Variants in TBC1D8 observed in about 807,000 individuals in gnomAD.
TBC1D8 encodes BUB2-like protein 1.
In TBC1D8, 65 loss-of-function variants were observed where a neutral mutation model predicts 118.8. The observed-to-expected ratio is 0.55, with a 90% confidence interval of 0.45 to 0.67. The LOEUF (loss-of-function observed/expected upper bound fraction) is 0.67. Ranked by LOEUF, TBC1D8 falls within the 30% of genes least tolerant of loss-of-function variation. The probability of loss-of-function intolerance (pLI) is 0.00; values close to 1 mark genes in which losing one functional copy is unlikely to be tolerated. For synonymous variants in TBC1D8, 566 were observed against 595.8 expected, an observed-to-expected ratio of 0.95 and a Z score of 0.73; for missense variants, 1,376 against 1,471.2, an observed-to-expected ratio of 0.94 and a Z score of 1.06.
intron 15 of TBC1D8, among the ~76,000 whole-genome samples, chr2:101,024,656 A>G (rs1474534191): frequency 6.6e-6 from 1 of 152,052 alleles, no homozygotes; most frequent in Non-Finnish European, 1.5e-5. Context: ...ATCCACCCGC[A>G]CTGGCCTCCC....
intron 1 of TBC1D8, among the ~76,000 whole-genome samples, chr2:101,106,946 A>G (rs914534908): frequency 6.6e-6 from 1 of 152,224 alleles, no homozygotes; most frequent in African/African-American, 2.4e-5. Context: ...GAGAACGTTT[A>G]AGGTGGGTGA....
intron 5 of TBC1D8, among the ~76,000 whole-genome samples, chr2:101,046,240 G>A (rs2105406736): frequency 6.6e-6 from 1 of 152,330 alleles, no homozygotes; most frequent in East Asian, 1.9e-4. Flanking sequence ...ACGGCCACTA[G>A]GCTCACCTGG....
intron 1 of TBC1D8, among the ~76,000 whole-genome samples, chr2:101,122,047 C>T (rs569926104): frequency 1.3e-5 from 2 of 150,672 alleles, no homozygotes; most frequent in South Asian, 2.1e-4. Flanking sequence ...GCCTGGGCAT[C>T]GCAGTGAGAC....
In TBC1D8 at chr2:101,036,046, CAA is replaced by C. The variant is rs1680986038; in HGVS notation, c.1573_1574del (p.Leu525AlafsTer108). The C allele has an allele frequency of 6.2e-7, 1 of 1,613,888 alleles. No homozygotes were observed. Among genetic ancestry groups the C allele is most frequent in the Non-Finnish European group, 8.5e-7 (1 of 1,179,898 alleles). ...KLVAMGIPES[L>X]RGRLWLLFSD... ...AGAAGAGAAGCCAGAGTCTCCCTCG[CAA>C]AGATTCAGGGATGCCCATGGCTACG... On this transcript the variant is annotated frameshift_variant, in exon 9 of 20. Coordinates refer to ENST00000409318, the MANE Select transcript of TBC1D8 (RefSeq NM_001330348.2). LOFTEE classifies it high-confidence loss of function.
chr2:101,149,242 A>G (rs1679447586), intron 1 of TBC1D8, among the ~76,000 whole-genome samples: 1 of 152,206 alleles, frequency 6.6e-6, no homozygotes, highest in South Asian at 2.1e-4. Flanking sequence ...CACAGGTATA[A>G]TAATAATATG....
In TBC1D8 at chr2:101,036,055, A is replaced by G; in HGVS notation, c.1566T>C (p.Pro522=). Reference sequence around the variant, plus strand: ...GCCAGAGTCTCCCTCGCAAAGATTCAGGGATGCCCATGGCTACGAGCTTCC... The same window carrying G: ...GCCAGAGTCTCCCTCGCAAAGATTCGGGGATGCCCATGGCTACGAGCTTCC... ...KIRKLVAMGI[P]ESLRGRLWLL... is the part of the protein sequence containing the mutation. The change falls in exon 9 of 20, where the codon CCT becomes CCC. Residue 522 remains proline (P), a synonymous_variant. Transcript: ENST00000409318. The G allele has an allele frequency of 6.2e-7, 1 of 1,614,060 alleles. No homozygotes were observed. The highest frequency in any genetic ancestry group is 8.5e-7 in the Non-Finnish European group (1 of 1,179,902).
intron 2 of TBC1D8, among the ~76,000 whole-genome samples, chr2:101,067,449 C>T (rs1418225099): frequency 1.3e-5 from 2 of 152,178 alleles, no homozygotes; most frequent in East Asian, 3.9e-4. Flanking sequence ...TCTAGACCAC[C>T]ACGATAAAGC....
At chr2:101,113,308 A>G (rs539559589) in intron 1 of TBC1D8, among the ~76,000 whole-genome samples, 1 of 152,260 alleles carries the variant, frequency 6.6e-6, no homozygotes, top group Non-Finnish European at 1.5e-5. Context: ...ACTAATTGGT[A>G]TATGTCCTTC....
chr2:101,062,520 G>A (rs900315059), intron 2 of TBC1D8, among the ~76,000 whole-genome samples: 3 of 152,166 alleles, frequency 2.0e-5, no homozygotes, highest in African/African-American at 7.2e-5. Flanking sequence ...GACTGAATGA[G>A]GAAATGGAGG....
chr2:101,023,388 C>T (rs190436231), intron 15 of TBC1D8, among the ~76,000 whole-genome samples: 2 of 152,014 alleles, frequency 1.3e-5, no homozygotes, highest in East Asian at 4.0e-4. Context: ...TTGGGTGATC[C>T]ACTCGCCTTG....
At chr2:101,057,835 C>T (rs139204128) in intron 3 of TBC1D8, among the ~76,000 whole-genome samples, 89 of 152,204 alleles carry the variant, frequency 5.8e-4, no homozygotes, top group African/African-American at 2.0e-3. Context: ...AAAAAACAAC[C>T]AACAAAAATA....
chr2:101,121,371 G>C (rs564132973), intron 1 of TBC1D8, among the ~76,000 whole-genome samples: 203 of 152,266 alleles, frequency 1.3e-3, no homozygotes, highest in African/African-American at 4.6e-3. Context: ...TTTAAGCCTT[G>C]CCACACTAGA....
At chr2:101,063,222 C>T (rs1439594718) in intron 2 of TBC1D8, among the ~76,000 whole-genome samples, 2 of 152,202 alleles carry the variant, frequency 1.3e-5, no homozygotes, top group African/African-American at 2.4e-5. Flanking sequence ...CAAGCTCCAA[C>T]ACAATATATC....
intron 12 of TBC1D8, among the ~76,000 whole-genome samples, chr2:101,028,903 C>T (rs952427204): frequency 3.9e-5 from 6 of 152,184 alleles, no homozygotes; most frequent in South Asian, 2.1e-4. Flanking sequence ...TGTTCAAGGC[C>T]ACTGTGAGTC....
At chr2:101,023,119 T>C (rs996847240) in intron 15 of TBC1D8, among the ~76,000 whole-genome samples, 1 of 137,636 alleles carries the variant, frequency 7.3e-6, no homozygotes, top group African/African-American at 2.6e-5. Context: ...CACTCCAGCC[T>C]GGGCAACAGA....
intron 7 of TBC1D8, 74 bp downstream of exon 7, chr2:101,038,387 C>T (rs767243496): frequency 1.3e-6 from 2 of 1,508,430 alleles, no homozygotes; most frequent in Non-Finnish European, 1.8e-6. Flanking sequence ...TGGCTCTCCC[C>T]ATGTGTACTC....
At chr2:101,058,521 G>A (rs914604218) in intron 3 of TBC1D8, among the ~76,000 whole-genome samples, 3 of 152,002 alleles carry the variant, frequency 2.0e-5, no homozygotes, top group Admixed American at 6.6e-5. Context: ...CAACCCGATG[G>A]GGCTTTTAAA....
intron 18 of TBC1D8, 43 bp from the exon 19 acceptor site, chr2:101,011,069 T>A: frequency 5.7e-6 from 9 of 1,582,586 alleles, no homozygotes; most frequent in Non-Finnish European, 6.9e-6. Flanking sequence ...TTTAAATAAA[T>A]TCAGTGACAG....
chr2:101,057,976 A>G (rs1321327701), intron 3 of TBC1D8, among the ~76,000 whole-genome samples: 1 of 152,210 alleles, frequency 6.6e-6, no homozygotes, highest in Non-Finnish European at 1.5e-5. Context: ...GCGAAAGTTA[A>G]TTTTCTTCCT....
Sources: allele counts gnomAD v4.1 joint callset (sites outside exome capture counted in the v4.1 genomes callset), GRCh38; gene constraint gnomAD v4.1.1; transcripts MANE v1.5; gene names NCBI Gene and HGNC (gene_info 2026-07-23, HGNC 2026-07-21).